GSK3B: variants seen among roughly 807,000 people sequenced by gnomAD.
GSK3B encodes glycogen synthase kinase-3 beta.
Under a neutral mutation model 56.4 loss-of-function variants are expected in GSK3B, and 15 were observed. The observed-to-expected ratio is 0.27, with a 90% confidence interval of 0.18 to 0.41. GSK3B has a LOEUF of 0.41. Among genes scored for constraint, GSK3B ranks in the 10% least tolerant of loss-of-function variants. GSK3B has a pLI of 1.00. For synonymous variants in GSK3B, 181 were observed against 188.9 expected, an observed-to-expected ratio of 0.96 and a Z score of 0.34; for missense variants, 300 against 513.4, an observed-to-expected ratio of 0.58 and a Z score of 4.02.
At chr3:119,852,247 T>C (rs908652760) in intron 9 of GSK3B, among the ~76,000 whole-genome samples, 1 of 152,226 alleles carries the variant, frequency 6.6e-6, no homozygotes, top group Non-Finnish European at 1.5e-5. Context: ...TGAATGCTTT[T>C]ATTGAACTAC....
chr3:119,983,187 C>T (rs908501528), intron 2 of GSK3B, among the ~76,000 whole-genome samples: 4 of 152,130 alleles, frequency 2.6e-5, no homozygotes, highest in Non-Finnish European at 4.4e-5. Context: ...GCCTGCCTTA[C>T]AAGAGCTCCT....
chr3:119,874,926 G>A (rs2056293423), intron 8 of GSK3B, among the ~76,000 whole-genome samples: 1 of 152,052 alleles, frequency 6.6e-6, no homozygotes, highest in African/African-American at 2.4e-5. Context: ...GACTCAAACT[G>A]TAATGCAGCC....
chr3:119,876,588 C>A, intron 7 of GSK3B, 80 bp from the exon 8 acceptor site: 1 of 782,290 alleles, frequency 1.3e-6, no homozygotes, highest in East Asian at 2.5e-5. Flanking sequence ...ATTGGATTCA[C>A]TGAAAAAAGG....
At chr3:119,992,249 T>C (rs1054800978) in intron 2 of GSK3B, among the ~76,000 whole-genome samples, 6 of 152,054 alleles carry the variant, frequency 3.9e-5, no homozygotes, top group East Asian at 1.9e-4. Context: ...AACGGTATAG[T>C]AGTGACACAT....
At chr3:119,921,154 T>C (rs560560452) in intron 4 of GSK3B, among the ~76,000 whole-genome samples, 2 of 152,342 alleles carry the variant, frequency 1.3e-5, no homozygotes, top group African/African-American at 2.4e-5. Flanking sequence ...ACCTCATTCA[T>C]TGGTACCTAT....
chr3:119,851,064 A>T (rs1169561629), intron 9 of GSK3B, among the ~76,000 whole-genome samples: 1 of 152,242 alleles, frequency 6.6e-6, no homozygotes, highest in African/African-American at 2.4e-5. Flanking sequence ...AAAACTATTC[A>T]TTAAAAAGCC....
At chr3:119,936,333 A>AT in intron 3 of GSK3B, among the ~76,000 whole-genome samples, 3 of 132,306 alleles carry the variant, frequency 2.3e-5, no homozygotes, top group African/African-American at 9.9e-5. Flanking sequence ...AAATATATAT[A>AT]AAAAATATAT....
At chr3:119,937,368 ACACCTC>A (rs2057005960) in intron 3 of GSK3B, among the ~76,000 whole-genome samples, 1 of 151,928 alleles carries the variant, frequency 6.6e-6, no homozygotes, top group Admixed American at 6.6e-5. Context: ...AAAGAGCCTG[ACACCTC>A]TCTGCTATCT....
chr3:119,832,981 C>CA, intron 10 of GSK3B: 1 of 983,930 alleles, frequency 1.0e-6, no homozygotes, highest in Non-Finnish European at 1.2e-6. Context: ...TTCAGATTCT[C>CA]AAGAGATCTG....
rs573026586 is a variant in GSK3B at position 119,933,799 on chromosome 3, C to G, written c.367-10316G>C. ...GGCCAAGGCAGGAGAATCACTTGAG[C>G]CTGGGAGGCAGAGGTTGCAGTGAGC... On this transcript the variant is annotated intron_variant, in intron 3 of 10. Transcript: ENST00000264235. Among the ~76,000 whole-genome samples, 11 of 152,254 alleles carry G rather than the reference C, an allele frequency of 7.2e-5. No homozygotes were observed. The South Asian group carries it at 2.1e-3, about 29-fold the overall frequency.
chr3:119,906,442 T>C, intron 6 of GSK3B, among the ~76,000 whole-genome samples: 1 of 152,106 alleles, frequency 6.6e-6, no homozygotes, highest in Middle Eastern at 3.2e-3. Flanking sequence ...AATAATCCAC[T>C]TTTAAGTCAA....
intron 3 of GSK3B, among the ~76,000 whole-genome samples, chr3:119,929,421 C>A (rs2056921270): frequency 6.6e-6 from 1 of 152,120 alleles, no homozygotes; most frequent in Non-Finnish European, 1.5e-5. Flanking sequence ...GATGTGTATA[C>A]CACTACATTC....
chr3:119,838,684 C>T (rs893871508), intron 10 of GSK3B, among the ~76,000 whole-genome samples: 4 of 152,132 alleles, frequency 2.6e-5, no homozygotes, highest in Non-Finnish European at 5.9e-5. Context: ...CAATTTCCTA[C>T]TGTTGACCAT....
At chr3:119,916,631 T>C (rs916711325) in intron 4 of GSK3B, among the ~76,000 whole-genome samples, 2 of 152,156 alleles carry the variant, frequency 1.3e-5, no homozygotes. Flanking sequence ...TGTAAACGTA[T>C]TTCCAAAGTG....
chr3:119,853,158 C>T (rs1177785874), intron 9 of GSK3B, among the ~76,000 whole-genome samples: 4 of 152,164 alleles, frequency 2.6e-5, no homozygotes, highest in South Asian at 2.1e-4. Flanking sequence ...CCAGTTTTCC[C>T]GGCACCATTT....
intron 1 of GSK3B, among the ~76,000 whole-genome samples, chr3:120,080,012 T>C (rs1002029727): frequency 3.3e-5 from 5 of 152,168 alleles, no homozygotes; most frequent in African/African-American, 1.2e-4. Context: ...ATTTGTATTA[T>C]GGCCAGGTGA....
intron 9 of GSK3B, among the ~76,000 whole-genome samples, chr3:119,851,426 T>C (rs1032080800): frequency 6.6e-6 from 1 of 152,212 alleles, no homozygotes; most frequent in Non-Finnish European, 1.5e-5. Context: ...AATTCATTGA[T>C]AAAATGGGAC....
chr3:119,835,675 T>C (rs2055680670), intron 10 of GSK3B, among the ~76,000 whole-genome samples: 1 of 151,536 alleles, frequency 6.6e-6, no homozygotes, highest in South Asian at 2.1e-4. Context: ...TGCTTTTTTG[T>C]TTTTTTTTAA....
intron 10 of GSK3B, among the ~76,000 whole-genome samples, chr3:119,831,807 C>T (rs1436582183): frequency 6.6e-6 from 1 of 152,182 alleles, no homozygotes; most frequent in Non-Finnish European, 1.5e-5. Flanking sequence ...TTTGAAGCTT[C>T]CTATAAACCA....
Sources: gnomAD v4.1 joint callset for allele counts (sites outside exome capture counted in the v4.1 genomes callset) on GRCh38, gnomAD v4.1.1 for gene constraint, MANE v1.5 for transcripts, NCBI Gene and HGNC (gene_info 2026-07-23, HGNC 2026-07-21) for gene names.